Variants in CACNA1E observed in about 807,000 individuals in gnomAD.
The protein encoded by CACNA1E is voltage-dependent R-type calcium channel subunit alpha-1E.
A neutral mutation model predicts 259.2 loss-of-function variants in CACNA1E; 40 were observed. The ratio of observed to expected loss-of-function variants is 0.15; its 90% CI spans 0.12 to 0.20. The LOEUF (loss-of-function observed/expected upper bound fraction) is 0.20, where lower values mean the gene tolerates loss of function less well. Ranked by LOEUF, CACNA1E falls within the 10% of genes least tolerant of loss-of-function variation. The pLI is 1.00. For missense variants in CACNA1E, 1,874 were observed against 3,040.1 expected, an observed-to-expected ratio of 0.62 and a Z score of 9.02; for synonymous variants, 1,104 against 1,138.5, an observed-to-expected ratio of 0.97 and a Z score of 0.61.
In CACNA1E at chr1:181,690,325, A is replaced by G. The variant is rs966547557; in HGVS notation, c.1056-20629A>G. Among the ~76,000 whole-genome samples, 4 of 152,098 alleles carry G rather than the reference A, an allele frequency of 2.6e-5. No homozygotes were observed. The South Asian group carries it at 6.2e-4, about 24-fold the overall frequency. ...ATTTCTGAGGCCTCTGTTCTGTTCC[A>G]TTGGTCTATATATCTGTTTTGGTAC... is the stretch of plus-strand genomic sequence containing the variant. On this transcript the variant is annotated intron_variant, in intron 7 of 47. Coordinates refer to ENST00000367573, the MANE Select transcript of CACNA1E (RefSeq NM_001205293.3).
chr1:181,325,458 G>A (rs1650702314), intron 1 of CACNA1E, among the ~76,000 whole-genome samples: 1 of 152,082 alleles, frequency 6.6e-6, no homozygotes, highest in African/African-American at 2.4e-5. Flanking sequence ...CAGCCACATA[G>A]CACCCTCGAG....
At position 181,681,535 on chromosome 1, in the gene CACNA1E, T is replaced by G. The variant is rs1649972379; in HGVS notation, c.1056-29419T>G. Among the ~76,000 whole-genome samples the G allele has an allele frequency of 2.0e-5, 3 of 152,330 alleles. No homozygotes were observed. The South Asian group carries it at 6.2e-4, about 32-fold the overall frequency. On this transcript the variant is annotated intron_variant, in intron 7 of 47. Transcript: ENST00000367573. ...GCCATAGCCTACCAAATGGTGTCCC[T>G]TCCTCCTCTTTAGTTTTTGGCAAAA... is the stretch of plus-strand genomic sequence containing the variant.
rs1180276726 is a variant in CACNA1E at position 181,716,144 on chromosome 1, T to A, written c.1315+15T>A. ...CTCCTCTGTGGGTGAGTGGATCCAG[T>A]TAGATCTTTTACTGCTCTGAATCTC... On this transcript the variant is annotated intron_variant, in intron 10 of 47. Coordinates refer to ENST00000367573, the MANE Select transcript of CACNA1E (RefSeq NM_001205293.3). The A allele has an allele frequency of 6.7e-7, 1 of 1,482,248 alleles. No individual in the cohort carries two copies. Among genetic ancestry groups the A allele is most frequent in the Non-Finnish European group, 9.2e-7 (1 of 1,082,226 alleles). The allele number at this position is 1,482,248 out of a possible 1,614,324, so 91.8% of individuals were successfully genotyped here. A position where few individuals can be genotyped will look rare whatever the true frequency, so the allele number is the denominator to read the frequency against.
At chr1:181,476,904 T>A (rs1662893499) in intron 2 of CACNA1E, among the ~76,000 whole-genome samples, 1 of 152,118 alleles carries the variant, frequency 6.6e-6, no homozygotes, top group Non-Finnish European at 1.5e-5. Flanking sequence ...AGGTAGACAG[T>A]GATGGGCATG....
chr1:181,771,312 T>G lies in CACNA1E; in HGVS notation c.4901T>G (p.Leu1634Ter). ...CTCAAGGTATTTGGAAACATAAAAT[T>G]AGACGAGGAGAGTCACATCAACCGG... ...IGMQVFGNIK[L>*]DEESHINRHN... is the part of the protein sequence containing the mutation. Residue 1634 changes from leucine to a stop codon, truncating the protein, a stop_gained, in exon 36 of 48, where the codon TTA becomes TGA. Coordinates refer to ENST00000367573, the MANE Select transcript of CACNA1E (RefSeq NM_001205293.3). LOFTEE classifies it high-confidence loss of function. 6.3e-7 allele frequency: 1 copy of G among 1,584,458 alleles called. No homozygotes were observed. Among genetic ancestry groups the G allele is most frequent in the Non-Finnish European group, 8.6e-7 (1 of 1,160,472 alleles).
At chr1:181,362,831 C>A (rs923590491) in intron 1 of CACNA1E, among the ~76,000 whole-genome samples, 3 of 152,196 alleles carry the variant, frequency 2.0e-5, no homozygotes, top group Non-Finnish European at 4.4e-5. Context: ...AAACCAGACT[C>A]TTTTCCTGTT....
At chr1:181,344,381 T>G (rs760793635) in intron 1 of CACNA1E, among the ~76,000 whole-genome samples, 1 of 152,218 alleles carries the variant, frequency 6.6e-6, no homozygotes, top group Non-Finnish European at 1.5e-5. Flanking sequence ...GATCCTGTCT[T>G]GGGCTGAAAG....
At chr1:181,515,980 G>A (rs1666553981) in intron 3 of CACNA1E, among the ~76,000 whole-genome samples, 1 of 152,158 alleles carries the variant, frequency 6.6e-6, no homozygotes, top group East Asian at 1.9e-4. Context: ...CTTCCCCCTT[G>A]GCCTGGCTGA....
At chr1:181,610,784 A>C (rs190540570) in intron 6 of CACNA1E, among the ~76,000 whole-genome samples, 1 of 152,330 alleles carries the variant, frequency 6.6e-6, no homozygotes, top group East Asian at 1.9e-4. Flanking sequence ...GCTCAGCCCC[A>C]TGCACAACAG....
At chr1:181,384,491 A>G (rs1655692240) in intron 1 of CACNA1E, among the ~76,000 whole-genome samples, 1 of 152,216 alleles carries the variant, frequency 6.6e-6, no homozygotes, top group Non-Finnish European at 1.5e-5. Context: ...CATGTAGGGT[A>G]GCAGAGTGAA....
intron 1 of CACNA1E, among the ~76,000 whole-genome samples, chr1:181,344,018 G>A (rs1003683064): frequency 6.6e-6 from 1 of 152,162 alleles, no homozygotes; most frequent in Non-Finnish European, 1.5e-5. Context: ...TGTTTCCACA[G>A]GAAGTTGTTC....
intron 1 of CACNA1E, among the ~76,000 whole-genome samples, chr1:181,387,735 T>C (rs1655955119): frequency 1.3e-5 from 2 of 152,240 alleles, no homozygotes; most frequent in Non-Finnish European, 2.9e-5. Context: ...GGTTCCTACT[T>C]GGGGAACGTA....
chr1:181,705,872 C>A (rs1350600651), intron 7 of CACNA1E, among the ~76,000 whole-genome samples: 1 of 152,154 alleles, frequency 6.6e-6, no homozygotes, highest in Non-Finnish European at 1.5e-5. Context: ...AGGTGACTGT[C>A]CAGTTTGTAA....
intron 37 of CACNA1E, among the ~76,000 whole-genome samples, 184 bp downstream of exon 37, chr1:181,772,415 C>T (rs982394002): frequency 2.0e-5 from 3 of 152,194 alleles, no homozygotes; most frequent in Non-Finnish European, 4.4e-5. Context: ...ACTAGATCAT[C>T]CTCTGGAGAA....
At chr1:181,322,434 C>T (rs2102563595) in intron 1 of CACNA1E, among the ~76,000 whole-genome samples, 1 of 152,272 alleles carries the variant, frequency 6.6e-6, no homozygotes, top group South Asian at 2.1e-4. Context: ...CCATTCAGAA[C>T]CAAAAAGCCC....
intron 3 of CACNA1E, among the ~76,000 whole-genome samples, chr1:181,567,664 A>G (rs1302078380): frequency 6.6e-6 from 1 of 152,194 alleles, no homozygotes; most frequent in Non-Finnish European, 1.5e-5. Context: ...GGTTCTTGGA[A>G]AAGCACAGCA....
chr1:181,384,796 G>A (rs1655721691), intron 1 of CACNA1E, among the ~76,000 whole-genome samples: 1 of 152,052 alleles, frequency 6.6e-6, no homozygotes, highest in Non-Finnish European at 1.5e-5. Flanking sequence ...GCTAAATGAC[G>A]AGTTAATGGG....
chr1:181,584,946 A>G (rs1651904578), intron 6 of CACNA1E, among the ~76,000 whole-genome samples: 1 of 152,178 alleles, frequency 6.6e-6, no homozygotes, highest in African/African-American at 2.4e-5. Context: ...GGTATTGTAG[A>G]TACTGTAAGT....
rs574969746 is a variant in CACNA1E at position 181,737,481 on chromosome 1, C to G, written c.3423-44C>G. ...TGGGAGTGAGGAGTAAGGGCATGGG[C>G]GTGGTGGGGAGTGGGCCAGCTCAGC... is the stretch of plus-strand genomic sequence containing the variant. On this transcript the variant is annotated intron_variant, in intron 22 of 47. Coordinates refer to ENST00000367573, the MANE Select transcript of CACNA1E (RefSeq NM_001205293.3). The G allele has an allele frequency of 1.9e-6, 3 of 1,607,896 alleles. No homozygotes were observed. In the East Asian group the frequency reaches 6.7e-5, roughly 36 times the overall value.
Sources: gnomAD v4.1 joint callset for allele counts (sites outside exome capture counted in the v4.1 genomes callset) on GRCh38, gnomAD v4.1.1 for gene constraint, MANE v1.5 for transcripts, NCBI Gene and HGNC (gene_info 2026-07-23, HGNC 2026-07-21) for gene names.